COTL1: variants seen among roughly 807,000 people sequenced by gnomAD.
COTL1 encodes coactosin like F-actin binding protein 1, also known as coactosin-like protein.
Under a neutral mutation model 16.5 loss-of-function variants are expected in COTL1, and 15 were observed. The ratio of observed to expected loss-of-function variants is 0.91; its 90% confidence interval spans 0.61 to 1.40. The LOEUF (loss-of-function observed/expected upper bound fraction) is 1.40, where lower values mean the gene tolerates loss of function less well. Ranked by LOEUF, COTL1 falls within the 40% of genes most tolerant of loss-of-function variation. The pLI is 0.00. For synonymous variants in COTL1, 112 were observed against 85.3 expected (o/e 1.31, Z -1.73); for missense variants, 220 against 201.5 (o/e 1.09, Z -0.56).
chr16:84,586,454 G>A (rs567285491), intron 3 of COTL1, among the ~76,000 whole-genome samples: 1 of 152,284 alleles, frequency 6.6e-6, no homozygotes, highest in East Asian at 1.9e-4. Context: ...CTGCCTTAGT[G>A]GGTATGAGGT....
At chr16:84,608,077 A>C (rs1334444577) in intron 2 of COTL1, among the ~76,000 whole-genome samples, 1 of 152,202 alleles carries the variant, frequency 6.6e-6, no homozygotes, top group African/African-American at 2.4e-5. Context: ...AAAGTGGATC[A>C]GAGACAAAGA....
chr16:84,574,783 C>T (rs2150681219), intron 3 of COTL1, among the ~76,000 whole-genome samples: 1 of 152,152 alleles, frequency 6.6e-6, no homozygotes, highest in East Asian at 1.9e-4. Flanking sequence ...GGGGTTTCAC[C>T]ATGTTGGCCA....
At chr16:84,568,940 T>C (rs1751429102) in intron 3 of COTL1, 1 of 152,204 alleles carries the variant, frequency 6.6e-6, no homozygotes, top group South Asian at 2.1e-4. Context: ...CCATCTCCTT[T>C]TGGGGTGATG....
chr16:84,587,774 A>T (rs1166632931), intron 3 of COTL1, among the ~76,000 whole-genome samples: 1 of 150,870 alleles, frequency 6.6e-6, no homozygotes, highest in East Asian at 1.9e-4. Context: ...TCCTATCATT[A>T]TTTATTTATT....
intron 3 of COTL1, among the ~76,000 whole-genome samples, chr16:84,582,432 T>C (rs980602931): frequency 2.0e-5 from 3 of 152,324 alleles, no homozygotes; most frequent in East Asian, 1.9e-4. Flanking sequence ...GCATAAGCCA[T>C]GGCGCCCGGC....
intron 2 of COTL1, among the ~76,000 whole-genome samples, chr16:84,597,008 T>C (rs1905019842): frequency 6.6e-6 from 1 of 152,056 alleles, no homozygotes; most frequent in Admixed American, 6.6e-5. Context: ...CAGGGCCGCA[T>C]CCTAGCAGGG....
intron 3 of COTL1, among the ~76,000 whole-genome samples, chr16:84,585,697 G>A (rs1176999153): frequency 6.6e-6 from 1 of 152,108 alleles, no homozygotes; most frequent in Non-Finnish European, 1.5e-5. Flanking sequence ...GTCTCTGCAT[G>A]GTTTTAGCGG....
At position 84,565,895 on chromosome 16, in the gene COTL1, C is replaced by T. The variant is rs1222405932; in HGVS notation, c.*950G>A. On this transcript the variant is annotated 3_prime_UTR_variant, in exon 4 of 4. Transcript: ENST00000262428. ...ACAGCTAGCGCGGCGGGCAGAGCAACCCTTCGGCCCAAGCCATCCTCGCAG... is the reference window on the plus strand; with the variant it reads ...ACAGCTAGCGCGGCGGGCAGAGCAATCCTTCGGCCCAAGCCATCCTCGCAG... 1 of 152,318 alleles carries T rather than the reference C, an allele frequency of 6.6e-6. No individual in the cohort carries two copies. The highest frequency in any genetic ancestry group is 6.5e-5 in the Admixed American group (1 of 15,290). 9.4% of individuals were successfully genotyped at this position (152,318 alleles called of 1,614,324 possible).
intron 2 of COTL1, among the ~76,000 whole-genome samples, chr16:84,612,995 TTTC>T (rs1905368993): frequency 8.6e-6 from 1 of 115,662 alleles, no homozygotes; most frequent in Admixed American, 8.9e-5. Context: ...TCTTTCTTTC[TTTC>T]TTTCTTTCTT....
chr16:84,566,847 A>T lies in COTL1; in HGVS notation c.427T>A (p.Ter143LysextTer27). ...GGANYDAQTE[*>K] ...GGGTGGTGTGGCGGGGGCTGGGGTT[A>T]CTCCGTCTGGGCGTCGTAATTGGCT... Residue 143 changes from the stop codon to lysine, a stop_lost, in exon 4 of 4, where the codon TAA (stop) becomes AAA (lysine). Coordinates refer to ENST00000262428, the MANE Select transcript of COTL1 (RefSeq NM_021149.5). 1 of 1,605,164 alleles carries T rather than the reference A, an allele frequency of 6.2e-7. No individual in the cohort carries two copies.
chr16:84,571,430 G>A (rs926134044), intron 3 of COTL1, among the ~76,000 whole-genome samples: 3 of 152,142 alleles, frequency 2.0e-5, no homozygotes, highest in African/African-American at 7.2e-5. Flanking sequence ...GAGGCTCGGC[G>A]AGTGACACCA....
rs548867252 is a variant in COTL1 at position 84,566,762 on chromosome 16, G to C, written c.*83C>G. 7.3e-5 allele frequency: 65 copies of C among 887,464 alleles called. 1 individual carries two copies. In the South Asian group the frequency reaches 8.9e-4, roughly 12 times the overall value. The allele number at this position is 887,464 out of a possible 1,614,324, so 55.0% of individuals were successfully genotyped here. ...TTCTTTTCTCCCTGGTGGGCTGGTG[G>C]GCTAGTAGCTGAGGCCGGCGGTCCT... On this transcript the variant is annotated 3_prime_UTR_variant, in exon 4 of 4. Transcript: ENST00000262428.
At chr16:84,593,645 G>C (rs1325850359) in intron 2 of COTL1, among the ~76,000 whole-genome samples, 1 of 151,968 alleles carries the variant, frequency 6.6e-6, no homozygotes, top group Non-Finnish European at 1.5e-5. Context: ...CCGAGTAGCT[G>C]GGACTACAGG....
At chr16:84,616,504 A>AAAATAAAT (rs371812172) in intron 2 of COTL1, 2,974 of 150,126 alleles carry the variant, frequency 0.02, 76 homozygotes, top group East Asian at 0.072. Flanking sequence ...TTCTGTCTCA[A>AAAATAAAT]AAATAAATAA....
chr16:84,600,261 T>G (rs1905081938), intron 2 of COTL1, among the ~76,000 whole-genome samples: 2 of 152,080 alleles, frequency 1.3e-5, no homozygotes. Flanking sequence ...ATTACTCTGT[T>G]TATTTCTAAA....
intron 2 of COTL1, among the ~76,000 whole-genome samples, chr16:84,612,759 A>G (rs1905361998): frequency 6.6e-6 from 1 of 151,656 alleles, no homozygotes; most frequent in Admixed American, 6.6e-5. Flanking sequence ...ACTTTGTCTC[A>G]AAAAAAAGAA....
chr16:84,609,444 G>A (rs1262393837), intron 2 of COTL1, among the ~76,000 whole-genome samples: 2 of 152,238 alleles, frequency 1.3e-5, no homozygotes, highest in Non-Finnish European at 2.9e-5. Flanking sequence ...TGAGACAGGA[G>A]AGTGCAGAGG....
intron 2 of COTL1, among the ~76,000 whole-genome samples, chr16:84,611,497 G>A (rs957591343): frequency 3.3e-5 from 5 of 152,162 alleles, no homozygotes; most frequent in South Asian, 2.1e-4. Flanking sequence ...ACTATTTCAA[G>A]AATATAGATA....
chr16:84,594,216 C>T (rs1326056553), intron 2 of COTL1, among the ~76,000 whole-genome samples: 2 of 149,496 alleles, frequency 1.3e-5, no homozygotes. Context: ...GGGGTGATTT[C>T]ACGCCTCCCT....
Sources: allele counts gnomAD v4.1 joint callset (sites outside exome capture counted in the v4.1 genomes callset), GRCh38; gene constraint gnomAD v4.1.1; transcripts MANE v1.5; gene names NCBI Gene and HGNC (gene_info 2026-07-23, HGNC 2026-07-21).